TTI1: variants seen among roughly 807,000 people sequenced by gnomAD.
TTI1 encodes the protein TELO2-interacting protein 1 homolog.
Under a neutral mutation model 85.4 loss-of-function variants are expected in TTI1, and 52 were observed. The ratio of observed to expected loss-of-function variants is 0.61; its 90% CI spans 0.49 to 0.77. The LOEUF is 0.77. Among genes scored for constraint, TTI1 ranks in the 30% least tolerant of loss-of-function variants. The pLI, the probability that TTI1 is intolerant of heterozygous loss-of-function variation, is 0.00. For synonymous variants in TTI1, 512 were observed against 503.9 expected, an observed-to-expected ratio of 1.02 and a Z score of -0.22; for missense variants, 1,173 against 1,296.0, an observed-to-expected ratio of 0.91 and a Z score of 1.46.
intron 3 of TTI1, among the ~76,000 whole-genome samples, chr20:38,005,013 A>G (rs925283127): frequency 6.6e-6 from 1 of 152,108 alleles, no homozygotes; most frequent in Non-Finnish European, 1.5e-5. Context: ...TGCATAAATC[A>G]TTATTTGGGC....
intron 1 of TTI1, among the ~76,000 whole-genome samples, chr20:38,021,147 T>C (rs1480639464): frequency 2.0e-5 from 3 of 152,234 alleles, no homozygotes; most frequent in Non-Finnish European, 2.9e-5. Context: ...TATGAAATAC[T>C]ATACAGATGA....
In TTI1 at chr20:38,013,863, G is replaced by A; in HGVS notation, c.-41-6C>T. 6.4e-7 allele frequency: 1 copy of A among 1,560,450 alleles called. No homozygotes were observed. Among genetic ancestry groups the A allele is most frequent in the Non-Finnish European group, 8.6e-7 (1 of 1,159,626 alleles). On this transcript the variant is annotated splice_region_variant and splice_polypyrimidine_tract_variant and intron_variant, in intron 1 of 7. Coordinates refer to ENST00000373447, the MANE Select transcript of TTI1 (RefSeq NM_001303457.2). ...TTGAGGAAACATCCTGCAGGCTGGA[G>A]GAAGGAAACTGTTCAGTAAAAATGT...
Position 38,032,959 on chromosome 20 carries a change from C to T in TTI1, c.-42+445G>A, listed in dbSNP as rs139802958. Among the ~76,000 whole-genome samples, 1,054 of 152,274 alleles carry T rather than the reference C, an allele frequency of 6.9e-3. 5 individuals are homozygous for T. Among genetic ancestry groups the T allele is most frequent in the African/African-American group, 0.02 (837 of 41,542 alleles). ...CTTAAGTTCGAAAAAGTCAACTGGA[C>T]CCGCAGACGGCAAAAGCAGCACGTA... On this transcript the variant is annotated intron_variant, in intron 1 of 7. Coordinates refer to ENST00000373447, the MANE Select transcript of TTI1 (RefSeq NM_001303457.2).
At chr20:38,028,091 A>G (rs2073858851) in intron 1 of TTI1, among the ~76,000 whole-genome samples, 1 of 152,206 alleles carries the variant, frequency 6.6e-6, no homozygotes, top group African/African-American at 2.4e-5. Context: ...GCCGCAGTTC[A>G]AATCTGTGTT....
Position 38,012,667 on chromosome 20 carries a change from A to T in TTI1, c.1150T>A (p.Ser384Thr). Reference sequence around the variant, plus strand: ...TGGGAGTTCATTAGGCGAGGAAGAGATGTGGCAAGGGAATGCAGGCTTTCT... The same window carrying T: ...TGGGAGTTCATTAGGCGAGGAAGAGTTGTGGCAAGGGAATGCAGGCTTTCT... ...LSESLHSLAT[S>T]LPRLMNSQDD... The change falls in exon 2 of 8, where the codon TCT becomes ACT. Residue 384 changes from serine to threonine, a missense_variant. Ser to Thr is a moderately conservative substitution (Grantham distance 58). Transcript: ENST00000373447. 4 of 1,614,192 alleles carry T rather than the reference A, an allele frequency of 2.5e-6. No individual in the cohort carries two copies. The Middle Eastern group carries it at 4.9e-4, about 200-fold the overall frequency.
intron 4 of TTI1, among the ~76,000 whole-genome samples, chr20:38,002,028 T>G (rs980031055): frequency 1.3e-5 from 2 of 152,148 alleles, no homozygotes; most frequent in Admixed American, 6.5e-5. Context: ...ACAGTTGTAT[T>G]TCTCACTCCT....
chr20:38,028,512 C>A (rs1480844419), intron 1 of TTI1, among the ~76,000 whole-genome samples: 1 of 152,048 alleles, frequency 6.6e-6, no homozygotes, highest in African/African-American at 2.4e-5. Context: ...ATGTGTGAAA[C>A]AAAAATGGAT....
intron 2 of TTI1, among the ~76,000 whole-genome samples, chr20:38,008,412 A>C (rs1052806252): frequency 6.6e-6 from 1 of 152,244 alleles, no homozygotes; most frequent in Non-Finnish European, 1.5e-5. Context: ...ACTATGGTGC[A>C]GACGCGTGAT....
intron 2 of TTI1, among the ~76,000 whole-genome samples, chr20:38,010,448 G>T: frequency 6.7e-6 from 1 of 148,438 alleles, no homozygotes; most frequent in African/African-American, 2.5e-5. Context: ...TATAATTGAA[G>T]TCCAAAATTT....
rs1484108831 is a variant in TTI1, at chr20:37,996,910, C to T, written c.2837G>A (p.Ser946Asn). ...LGSKCGDFLR[S>N]RFCKDVLPKL... ...TGGCAGGACATCTTTGCAGAACCGG[C>T]TGCGAAGAAAGTCACCACACTTGCT... Residue 946 changes from serine (S) to asparagine (N), a missense_variant, in exon 6 of 8, where the codon AGC (serine) becomes AAC (asparagine). Ser to Asn is a conservative substitution (Grantham distance 46). Coordinates refer to ENST00000373447, the MANE Select transcript of TTI1 (RefSeq NM_001303457.2). 1 of 1,614,148 alleles carries T rather than the reference C, an allele frequency of 6.2e-7. No individual in the cohort carries two copies. Among genetic ancestry groups the T allele is most frequent in the South Asian group, 1.1e-5 (1 of 91,088 alleles).
In TTI1 at chr20:38,012,068, C is replaced by T; in HGVS notation, c.1749G>A (p.Glu583=). 1.9e-6 allele frequency: 3 copies of T among 1,614,180 alleles called. No homozygotes were observed. The highest frequency in any genetic ancestry group is 2.5e-6 in the Non-Finnish European group (3 of 1,180,032). The part of the protein sequence containing the change: ...VTCLETEEMG[E]ELMMEHPGLQ... ...GGCCTGGGTGCTCCATCATCAGCTC[C>T]TCTCCCATTTCCTCAGTTTCAAGAC... The change falls in exon 2 of 8, where the codon GAG becomes GAA. Residue 583 remains glutamate, a synonymous_variant. Transcript: ENST00000373447.
chr20:37,984,669 C>T (rs1308970963), intron 7 of TTI1, among the ~76,000 whole-genome samples: 1 of 152,198 alleles, frequency 6.6e-6, no homozygotes, highest in East Asian at 1.9e-4. Context: ...TGCCATTTTG[C>T]CCACACCACT....
chr20:38,031,344 A>C (rs933993192), intron 1 of TTI1, among the ~76,000 whole-genome samples: 5 of 152,236 alleles, frequency 3.3e-5, no homozygotes, highest in African/African-American at 1.2e-4. Flanking sequence ...CTTCTAGTTC[A>C]TATCACTCCA....
intron 1 of TTI1, among the ~76,000 whole-genome samples, chr20:38,016,142 G>A (rs567725238): frequency 6.6e-6 from 1 of 152,348 alleles, no homozygotes; most frequent in East Asian, 1.9e-4. Context: ...ATAAAGGATT[G>A]TGGCCCCCAA....
Position 38,011,878 on chromosome 20 carries a change from A to G in TTI1, c.1939T>C (p.Leu647=), listed in dbSNP as rs2073597333. ...FAYALGKDFC[L]LLMSALYPVL... ...GGATAAAGGGCTGACATCAAGAGCA[A>G]ACAGAAGTCTTTTCCTAGTGCATAT... The change falls in exon 2 of 8, where the codon TTG becomes CTG. Residue 647 remains leucine, a synonymous_variant. Transcript: ENST00000373447. 1 of 1,614,122 alleles carries G rather than the reference A, an allele frequency of 6.2e-7. No homozygotes were observed. The highest frequency in any genetic ancestry group is 8.5e-7 in the Non-Finnish European group (1 of 1,180,050).
intron 7 of TTI1, among the ~76,000 whole-genome samples, chr20:37,993,798 G>A (rs952355712): frequency 5.9e-5 from 9 of 152,180 alleles, no homozygotes; most frequent in Non-Finnish European, 7.3e-5. Flanking sequence ...TTCCCACTTG[G>A]GCCCTTGCAA....
intron 1 of TTI1, 58 bp from the exon 2 acceptor site, chr20:38,013,915 C>T (rs2073643622): frequency 2.0e-6 from 3 of 1,496,750 alleles, no homozygotes; most frequent in Non-Finnish European, 2.7e-6. Flanking sequence ...ATGAAGTGAA[C>T]TTGCATTCAT....
Position 38,011,543 on chromosome 20 carries a change from G to A in TTI1, c.2274C>T (p.Ser758=), listed in dbSNP as rs372827675. ...ATGCTGCCATCAGAGCATGCAGAAC[G>A]CTGACAAAGGAAGCAGCTCTCTTAT... The part of the protein sequence containing the change: ...FYDKRAASFV[S]VLHALMAALA... Residue 758 remains serine, a synonymous_variant, in exon 2 of 8, where the codon AGC becomes AGT. Coordinates refer to ENST00000373447, the MANE Select transcript of TTI1 (RefSeq NM_001303457.2). 1.3e-5 allele frequency: 21 copies of A among 1,614,030 alleles called. No individual in the cohort carries two copies. The African/African-American group carries it at 1.9e-4, about 14-fold the overall frequency.
At chr20:38,006,134 A>G (rs1424829980) in intron 3 of TTI1, 63 bp downstream of exon 3, 1 of 1,582,922 alleles carries the variant, frequency 6.3e-7, no homozygotes, top group East Asian at 2.2e-5. Flanking sequence ...ATGATGTTTC[A>G]CCATTTTTAC....
Sources: gnomAD v4.1 joint callset for allele counts (sites outside exome capture counted in the v4.1 genomes callset) on GRCh38, gnomAD v4.1.1 for gene constraint, MANE v1.5 for transcripts, NCBI Gene and HGNC (gene_info 2026-07-23, HGNC 2026-07-21) for gene names.